HTR3B: variants seen among roughly 807,000 people sequenced by gnomAD.
HTR3B encodes the protein 5-hydroxytryptamine (serotonin) receptor 3B, ionotropic.
HTR3B carries 44 observed loss-of-function variants against 42.8 expected under a neutral mutation model. The observed-to-expected ratio is 1.03, with a 90% CI of 0.81 to 1.32. The LOEUF is 1.32. HTR3B is among the 40% of genes most tolerant of loss of function. The pLI is 0.00. For synonymous variants in HTR3B, 203 were observed against 209.0 expected (o/e 0.97, Z 0.25); for missense variants, 527 against 536.5 (o/e 0.98, Z 0.17).
upstream of HTR3B, among the ~76,000 whole-genome samples, chr11:113,900,079 G>A (rs1350712104): frequency 6.6e-6 from 1 of 152,052 alleles, no homozygotes; most frequent in Non-Finnish European, 1.5e-5. Context: ...CTAGCCTGGT[G>A]AAACCCTGTA....
At chr11:113,918,846 G>A (rs994008689) in intron 2 of HTR3B, among the ~76,000 whole-genome samples, 7 of 151,834 alleles carry the variant, frequency 4.6e-5, no homozygotes, top group Non-Finnish European at 8.8e-5. Context: ...TAGTAGAGAC[G>A]GGGTTTCACC....
intron 6 of HTR3B, 104 bp from the exon 7 acceptor site, chr11:113,942,878 C>A: frequency 1.1e-6 from 1 of 904,136 alleles, no homozygotes; most frequent in Non-Finnish European, 1.8e-6. Flanking sequence ...TCACATTATG[C>A]AAAAACGTTG....
chr11:113,911,151 A>G lies in HTR3B; in HGVS notation c.213+1696A>G, dbSNP rs184899220. Among the ~76,000 whole-genome samples, 6 of 151,990 alleles carry G rather than the reference A, an allele frequency of 3.9e-5. No homozygotes were observed. In the East Asian group the frequency reaches 1.2e-3, roughly 30 times the overall value. On this transcript the variant is annotated intron_variant, in intron 2 of 8. Coordinates refer to ENST00000260191, the MANE Select transcript of HTR3B (RefSeq NM_006028.5). ...AAAAATTGTTTTCTAATTGAGGTAA[A>G]ATATACATATGTGGAAATACACAGA...
At chr11:113,911,672 G>A (rs926698875) in intron 2 of HTR3B, among the ~76,000 whole-genome samples, 2 of 151,984 alleles carry the variant, frequency 1.3e-5, no homozygotes, top group Non-Finnish European at 2.9e-5. Flanking sequence ...GATTACAGGT[G>A]TCTGCCACCA....
chr11:113,899,410 T>A, the HTR3B span, among the ~76,000 whole-genome samples: 18 of 152,198 alleles, frequency 1.2e-4, no homozygotes, highest in African/African-American at 4.3e-4. Context: ...GGCTGGAATG[T>A]CCATTTCTGC....
At chr11:113,931,583 C>T (rs757996123) in intron 3 of HTR3B, among the ~76,000 whole-genome samples, 155 bp downstream of exon 3, 1 of 152,032 alleles carries the variant, frequency 6.6e-6, no homozygotes, top group Non-Finnish European at 1.5e-5. Flanking sequence ...GATGTATGGC[C>T]CTGGTTTCTG....
upstream of HTR3B, among the ~76,000 whole-genome samples, chr11:113,903,720 G>A (rs930753573): frequency 2.0e-5 from 3 of 152,074 alleles, no homozygotes; most frequent in African/African-American, 4.8e-5. Context: ...GAGCCACCAC[G>A]CCCAGCTTAT....
intron 1 of HTR3B, among the ~76,000 whole-genome samples, chr11:113,908,463 G>A (rs769182716): frequency 6.6e-6 from 1 of 152,198 alleles, no homozygotes; most frequent in Non-Finnish European, 1.5e-5. Flanking sequence ...TCGGTCCAAT[G>A]ACTGAGTGAA....
At chr11:113,942,433 T>C (rs1000708426) in intron 6 of HTR3B, among the ~76,000 whole-genome samples, 2 of 152,162 alleles carry the variant, frequency 1.3e-5, no homozygotes, top group African/African-American at 2.4e-5. Flanking sequence ...CACTCTAGCC[T>C]GGGCAACAAG....
chr11:113,942,451 C>T (rs1411314075), intron 6 of HTR3B, among the ~76,000 whole-genome samples: 1 of 152,162 alleles, frequency 6.6e-6, no homozygotes, highest in Non-Finnish European at 1.5e-5. Context: ...AAGAGCGAAA[C>T]TCCGTCACAC....
At position 113,946,280 on chromosome 11, in the gene HTR3B, T is replaced by A; in HGVS notation, c.*143T>A. 1.5e-6 allele frequency: 1 copy of A among 649,500 alleles called. No individual in the cohort carries two copies. The highest frequency in any genetic ancestry group is 2.7e-6 in the Non-Finnish European group (1 of 366,584). 40.2% of individuals were successfully genotyped at this position (649,500 alleles called of 1,614,324 possible). On this transcript the variant is annotated 3_prime_UTR_variant, in exon 9 of 9. Coordinates refer to ENST00000260191, the MANE Select transcript of HTR3B (RefSeq NM_006028.5). ...CTTTGGGAGGCCATAGCAGGAGGAT[T>A]GCTTGAGCCCAGGAGTTCGAGACCA...
chr11:113,914,427 G>A (rs1949831721), intron 2 of HTR3B, among the ~76,000 whole-genome samples: 1 of 150,528 alleles, frequency 6.6e-6, no homozygotes, highest in Non-Finnish European at 1.5e-5. Flanking sequence ...TCACGCCATT[G>A]CACTCCAGCC....
At chr11:113,925,055 C>T (rs904540628) in intron 2 of HTR3B, among the ~76,000 whole-genome samples, 10 of 152,300 alleles carry the variant, frequency 6.6e-5, no homozygotes, top group East Asian at 1.9e-4. Flanking sequence ...TGCCACCTGG[C>T]GCAGAGCCAC....
intron 2 of HTR3B, among the ~76,000 whole-genome samples, chr11:113,926,305 CAAAT>C (rs981393393): frequency 1.3e-5 from 2 of 152,138 alleles, no homozygotes; most frequent in African/African-American, 4.8e-5. Context: ...TTAACTATCA[CAAAT>C]AATGCTGCTA....
chr11:113,941,408 T>C (rs968180162), intron 6 of HTR3B, among the ~76,000 whole-genome samples: 2 of 152,160 alleles, frequency 1.3e-5, no homozygotes, highest in Non-Finnish European at 2.9e-5. Context: ...AGTGTGTGCT[T>C]ATTAAAGACA....
At chr11:113,942,936 T>G (rs761003745) in intron 6 of HTR3B, 46 bp from the exon 7 acceptor site, 2 of 1,561,304 alleles carry the variant, frequency 1.3e-6, no homozygotes, top group South Asian at 1.1e-5. Context: ...AATCTGAGTC[T>G]GTTGGCCTAG....
chr11:113,899,131 C>A, the HTR3B span, among the ~76,000 whole-genome samples: 1 of 152,096 alleles, frequency 6.6e-6, no homozygotes, highest in Admixed American at 6.6e-5. Flanking sequence ...TGCTCTATGA[C>A]CTCCCATAGA....
chr11:113,946,004 C>G lies in HTR3B; in HGVS notation c.1193C>G (p.Thr398Arg), dbSNP rs1950174331. The G allele has an allele frequency of 6.2e-7, 1 of 1,613,998 alleles. No homozygotes were observed. The highest frequency in any genetic ancestry group is 8.5e-7 in the Non-Finnish European group (1 of 1,180,014). Residue 398 changes from threonine to arginine, a missense_variant, in exon 9 of 9, where the codon ACA becomes AGA. Thr to Arg is a moderately conservative substitution (Grantham distance 71, BLOSUM62 -1). Coordinates refer to ENST00000260191, the MANE Select transcript of HTR3B (RefSeq NM_006028.5). ...ISNYLQTQDQ[T>R]DQQEAEWLVL... Reference sequence around the variant, plus strand: ...AACTACCTCCAAACTCAGGACCAGACAGACCAACAGGAGGCAGAGTGGCTG... The same window carrying G: ...AACTACCTCCAAACTCAGGACCAGAGAGACCAACAGGAGGCAGAGTGGCTG...
chr11:113,902,953 CTA>C (rs1282923240), upstream of HTR3B, among the ~76,000 whole-genome samples: 1 of 152,180 alleles, frequency 6.6e-6, no homozygotes, highest in Non-Finnish European at 1.5e-5. Context: ...ACTGCAGACT[CTA>C]TCTCCTGAGC....
Sources: allele counts gnomAD v4.1 joint callset (sites outside exome capture counted in the v4.1 genomes callset), GRCh38; gene constraint gnomAD v4.1.1; transcripts MANE v1.5; gene names NCBI Gene and HGNC (gene_info 2026-07-23, HGNC 2026-07-21).